CASP6: variants seen among roughly 807,000 people sequenced by gnomAD.
The protein encoded by CASP6 is caspase 6.
CASP6 carries 20 observed loss-of-function variants against 31.8 expected under a neutral mutation model. The observed-to-expected ratio is 0.63, with a 90% CI of 0.44 to 0.91. The LOEUF (loss-of-function observed/expected upper bound fraction) is 0.91. CASP6 is among the 40% of genes least tolerant of loss of function. CASP6 has a pLI of 0.00. For missense variants in CASP6, 328 were observed against 361.1 expected (o/e 0.91, Z 0.74); for synonymous variants, 130 against 127.8 (o/e 1.02, Z -0.12).
the CASP6 span, among the ~76,000 whole-genome samples, chr4:109,669,487 G>A: frequency 2.6e-5 from 4 of 151,748 alleles, no homozygotes; most frequent in East Asian, 5.8e-4. Flanking sequence ...AATGATATAC[G>A]TATGTGTAGT....
the CASP6 span, among the ~76,000 whole-genome samples, chr4:109,678,974 G>A: frequency 4.7e-3 from 716 of 150,914 alleles, 4 homozygotes; most frequent in Non-Finnish European, 6.7e-3. Context: ...CTTCCCATTC[G>A]GGGCAGCCAG....
At chr4:109,707,665 G>A (rs1462672492), upstream of CASP6, among the ~76,000 whole-genome samples, 1 of 152,140 alleles carries the variant, frequency 6.6e-6, no homozygotes. Flanking sequence ...TTACGGGCAT[G>A]AGCCACGACA....
Position 109,698,334 on chromosome 4 carries a change from C to G in CASP6, c.49G>C (p.Glu17Gln). Residue 17 changes from glutamate (E) to glutamine (Q), a missense_variant, in exon 2 of 7, where the codon GAA becomes CAA. Physicochemically the swap from Glu to Gln is conservative, Grantham distance 29. Coordinates refer to ENST00000265164, the MANE Select transcript of CASP6 (RefSeq NM_001226.4). Reference sequence around the variant, plus strand: ...AAGGCATCTGTTTCTGTCATGTTTTCTTCCCCACCTATTAAAAAAAGTTGA... The same window carrying G: ...AAGGCATCTGTTTCTGTCATGTTTTGTTCCCCACCTATTAAAAAAAGTTGA... ...LRRGHPAGGEENMTETDAFYK... is the reference protein window; with the variant it reads ...LRRGHPAGGEQNMTETDAFYK... The G allele has an allele frequency of 6.2e-7, 1 of 1,610,630 alleles. No homozygotes were observed. Among genetic ancestry groups the G allele is most frequent in the South Asian group, 1.1e-5 (1 of 90,138 alleles).
the CASP6 span, among the ~76,000 whole-genome samples, chr4:109,682,337 T>TA: frequency 1.3e-5 from 2 of 150,946 alleles, no homozygotes; most frequent in African/African-American, 4.9e-5. Context: ...TTTTTTTTTT[T>TA]ACCTTGTATA....
chr4:109,679,412 G>A, the CASP6 span, among the ~76,000 whole-genome samples: 48,011 of 152,046 alleles, frequency 0.32, 7,820 homozygotes, highest in East Asian at 0.51. Context: ...TCGGGAGGCC[G>A]AGGCGGGCAG....
chr4:109,690,800 G>A, intron 6 of CASP6, 50 bp downstream of exon 6: 1 of 1,539,278 alleles, frequency 6.5e-7, no homozygotes. Context: ...GAAACTTACA[G>A]GACCTTAGCC....
chr4:109,684,761 T>C, downstream of CASP6: 1 of 609,950 alleles, frequency 1.6e-6, no homozygotes, highest in South Asian at 2.1e-5. Flanking sequence ...CTGGTTTTTA[T>C]GAGCTGGTAA....
chr4:109,680,050 C>T, the CASP6 span, among the ~76,000 whole-genome samples: 6 of 152,180 alleles, frequency 3.9e-5, no homozygotes, highest in Non-Finnish European at 7.3e-5. Context: ...GATCCACCCA[C>T]CTTGGCCTCC....
chr4:109,690,561 A>C (rs1387241329), intron 6 of CASP6, among the ~76,000 whole-genome samples: 1 of 152,032 alleles, frequency 6.6e-6, no homozygotes, highest in African/African-American at 2.4e-5. Context: ...GACAATTACC[A>C]CAATGGCACT....
chr4:109,703,544 G>T, upstream of CASP6: 1 of 1,000,544 alleles, frequency 1.0e-6, no homozygotes, highest in Non-Finnish European at 1.4e-6. Context: ...CGCCGCCCGG[G>T]CTCCCGTGGA....
In CASP6 at chr4:109,703,368, C is replaced by G. The variant is rs1730490941; in HGVS notation, c.28G>C (p.Gly10Arg). Residue 10 changes from glycine (G) to arginine (R), a missense_variant, in exon 1 of 7, where the codon GGG (glycine) becomes CGG (arginine). Transcript: ENST00000265164. ...GCCCCCTGCCTACCTGCCGGGTGCC[C>G]CCTGCGGAGCCCCGAGGCCGAGCTC... Reference protein sequence around the residue: MSSASGLRRGHPAGGEENMT... With the variant: MSSASGLRRRHPAGGEENMT... 1 of 1,610,926 alleles carries G rather than the reference C, an allele frequency of 6.2e-7. No homozygotes were observed. Among genetic ancestry groups the G allele is most frequent in the South Asian group, 1.1e-5 (1 of 90,184 alleles).
Position 109,697,755 on chromosome 4 carries a change from G to A in CASP6, c.97C>T (p.Pro33Ser), listed in dbSNP as rs1730294234. Residue 33 changes from proline (P) to serine (S), a missense_variant, in exon 3 of 7, where the codon CCG becomes TCG. Pro to Ser is a moderately conservative substitution (Grantham distance 74). Transcript: ENST00000265164. Reference sequence around the variant, plus strand: ...TGGTCCATTTTGTACTTTTCTGCCGGATCAAACATTTCTCTGTTAATGAAA... The same window carrying A: ...TGGTCCATTTTGTACTTTTCTGCCGAATCAAACATTTCTCTGTTAATGAAA... ...DAFYKREMFDPAEKYKMDHRR... is the reference protein window; with the variant it reads ...DAFYKREMFDSAEKYKMDHRR... The A allele has an allele frequency of 6.2e-7, 1 of 1,612,608 alleles. No homozygotes were observed. Among genetic ancestry groups the A allele is most frequent in the Non-Finnish European group, 8.5e-7 (1 of 1,179,540 alleles).
the CASP6 span, among the ~76,000 whole-genome samples, chr4:109,667,788 T>C: frequency 6.6e-6 from 1 of 151,570 alleles, no homozygotes; most frequent in Non-Finnish European, 1.5e-5. Context: ...ATGTATTCAA[T>C]CCTATAGATT....
the CASP6 span, among the ~76,000 whole-genome samples, chr4:109,677,937 T>C: frequency 6.6e-6 from 1 of 151,312 alleles, no homozygotes; most frequent in African/African-American, 2.4e-5. Context: ...CAAAGGTCTC[T>C]GGTTTTCCTA....
the CASP6 span, chr4:109,682,762 G>T: frequency 1.3e-6 from 2 of 1,585,864 alleles, no homozygotes; most frequent in South Asian, 2.3e-5. Flanking sequence ...CATCACGGTT[G>T]AGTATATTTG....
intron 5 of CASP6, chr4:109,692,532 C>T (rs1298802020): frequency 6.6e-6 from 1 of 152,216 alleles, no homozygotes; most frequent in Non-Finnish European, 1.5e-5. Context: ...GTTGGCCACT[C>T]CCCTTTTCAC....
chr4:109,685,531 A>G (rs998125347), downstream of CASP6, among the ~76,000 whole-genome samples: 3 of 152,230 alleles, frequency 2.0e-5, no homozygotes, highest in African/African-American at 7.2e-5. Flanking sequence ...TATTAATTTC[A>G]TATCCCAGTT....
At chr4:109,678,262 A>G in the CASP6 span, among the ~76,000 whole-genome samples, 1 of 151,126 alleles carries the variant, frequency 6.6e-6, no homozygotes, top group Non-Finnish European at 1.5e-5. Context: ...TCTTTTCCCC[A>G]CATTTCCCCC....
At chr4:109,702,019 C>T (rs1182553287) in intron 1 of CASP6, among the ~76,000 whole-genome samples, 1 of 152,230 alleles carries the variant, frequency 6.6e-6, no homozygotes, top group Non-Finnish European at 1.5e-5. Context: ...ATCTACCCAT[C>T]GGCTCCATCA....
Sources: gnomAD v4.1 joint callset for allele counts (sites outside exome capture counted in the v4.1 genomes callset) on GRCh38, gnomAD v4.1.1 for gene constraint, MANE v1.5 for transcripts, NCBI Gene and HGNC (gene_info 2026-07-23, HGNC 2026-07-21) for gene names.